USP46: variants seen among roughly 807,000 people sequenced by gnomAD.
The protein encoded by USP46 is ubiquitin carboxyl-terminal hydrolase 46.
USP46 carries 12 observed loss-of-function variants against 44.4 expected under a neutral mutation model. The ratio of observed to expected loss-of-function variants is 0.27; its 90% confidence interval spans 0.17 to 0.44. The LOEUF (loss-of-function observed/expected upper bound fraction) is 0.44, where lower values mean the gene tolerates loss of function less well. USP46 is among the 20% of genes least tolerant of loss of function. USP46 has a pLI of 1.00. For synonymous variants in USP46, 155 were observed against 161.5 expected, an observed-to-expected ratio of 0.96 and a Z score of 0.31; for missense variants, 248 against 444.8, an observed-to-expected ratio of 0.56 and a Z score of 3.98.
Position 52,597,714 on chromosome 4 carries a change from A to C in USP46, c.1027T>G (p.Phe343Val). 6.2e-7 allele frequency: 1 copy of C among 1,602,844 alleles called. No homozygotes were observed. Among genetic ancestry groups the C allele is most frequent in the Non-Finnish European group, 8.5e-7 (1 of 1,174,594 alleles). Residue 343 changes from phenylalanine to valine, a missense_variant, in exon 9 of 9, where the codon TTC (phenylalanine) becomes GTC (valine). Physicochemically the swap from Phe to Val is conservative, Grantham distance 50 (BLOSUM62 -1). Coordinates refer to ENST00000441222, the MANE Select transcript of USP46 (RefSeq NM_022832.4). ...GATATATCTGACGTCAGGCCATAGAATTCTTCAATAGCTTGAGCATCTATT... is the reference window on the plus strand; with the variant it reads ...GATATATCTGACGTCAGGCCATAGACTTCTTCAATAGCTTGAGCATCTATT... ...EKIDAQAIEE[F>V]YGLTSDISKN...
chr4:52,632,990 A>AAAGGAAAAGAAAG, intron 1 of USP46, among the ~76,000 whole-genome samples: 2 of 66,294 alleles, frequency 3.0e-5, no homozygotes, highest in African/African-American at 1.2e-4. Flanking sequence ...GAAAGAAAAG[A>AAAGGAAAAGAAAG]AAAGAAAGAA....
At chr4:52,657,732 C>T (rs1719008091) in intron 1 of USP46, among the ~76,000 whole-genome samples, 1 of 152,174 alleles carries the variant, frequency 6.6e-6, no homozygotes, top group Admixed American at 6.5e-5. Flanking sequence ...GGATCCACTC[C>T]CCGTATGGAA....
At position 52,592,920 on chromosome 4, in the gene USP46, T is replaced by C. The variant is rs534753941; in HGVS notation, c.*4720A>G. Reference sequence around the variant, plus strand: ...CTCCTGCCATGTAAGATGGGCTTGCTTTCCCTTTGCCTTCTGCTGATTGTA... The same window carrying C: ...CTCCTGCCATGTAAGATGGGCTTGCCTTCCCTTTGCCTTCTGCTGATTGTA... On this transcript the variant is annotated 3_prime_UTR_variant, in exon 9 of 9. Coordinates refer to ENST00000441222, the MANE Select transcript of USP46 (RefSeq NM_022832.4). 1.1e-4 allele frequency: 43 copies of C among 398,562 alleles called. No homozygotes were observed. The South Asian group carries it at 3.4e-3, about 32-fold the overall frequency. 24.7% of individuals were successfully genotyped at this position (398,562 alleles called of 1,614,324 possible).
intron 7 of USP46, among the ~76,000 whole-genome samples, chr4:52,601,151 A>T (rs1392827179): frequency 2.0e-5 from 3 of 152,172 alleles, no homozygotes; most frequent in Admixed American, 2.0e-4. Context: ...TCTAAAACCT[A>T]TGAGGGCAGG....
chr4:52,600,047 T>G (rs1274868255), intron 7 of USP46, among the ~76,000 whole-genome samples: 1 of 152,244 alleles, frequency 6.6e-6, no homozygotes, highest in Non-Finnish European at 1.5e-5. Context: ...ATCTCCCTGC[T>G]TATTCCTGAT....
chr4:52,603,289 A>G (rs1463799135), intron 6 of USP46, among the ~76,000 whole-genome samples: 2 of 152,202 alleles, frequency 1.3e-5, no homozygotes, highest in African/African-American at 4.8e-5. Flanking sequence ...GACATGAGTG[A>G]CCTTCTTTAC....
At position 52,592,711 on chromosome 4, in the gene USP46, T is replaced by A. The variant is rs1716068636; in HGVS notation, c.*4929A>T. The stretch of plus-strand genomic sequence containing the variant: ...AAAATTACCCGGGTATAGTGGCACA[T>A]GCCTGTAGTCCCAGCTACTTGGGAG... On this transcript the variant is annotated 3_prime_UTR_variant, in exon 9 of 9. Coordinates refer to ENST00000441222, the MANE Select transcript of USP46 (RefSeq NM_022832.4). 2.5e-6 allele frequency: 1 copy of A among 393,718 alleles called. No individual in the cohort carries two copies. 24.4% of individuals were successfully genotyped at this position (393,718 alleles called of 1,614,324 possible).
At chr4:52,617,789 T>G (rs1717218468) in intron 4 of USP46, among the ~76,000 whole-genome samples, 1 of 152,138 alleles carries the variant, frequency 6.6e-6, no homozygotes, top group South Asian at 2.1e-4. Context: ...GAAAACCATT[T>G]TCTTCCCACA....
At chr4:52,632,047 A>G (rs1324496976) in intron 1 of USP46, among the ~76,000 whole-genome samples, 2 of 149,450 alleles carry the variant, frequency 1.3e-5, no homozygotes, top group South Asian at 2.2e-4. Context: ...GGAAGGGGAA[A>G]GGGAAGGGGA....
At chr4:52,656,831 G>A (rs1718969380) in intron 1 of USP46, among the ~76,000 whole-genome samples, 1 of 151,866 alleles carries the variant, frequency 6.6e-6, no homozygotes, top group Admixed American at 6.6e-5. Flanking sequence ...CTTGAGCCCA[G>A]GTATTAGGGA....
intron 1 of USP46, among the ~76,000 whole-genome samples, chr4:52,639,458 A>G (rs1718245744): frequency 6.6e-6 from 1 of 152,126 alleles, no homozygotes; most frequent in South Asian, 2.1e-4. Context: ...TTTGGAACCA[A>G]TATGGCTACT....
At chr4:52,606,890 C>T (rs1157864407) in intron 5 of USP46, among the ~76,000 whole-genome samples, 1 of 152,174 alleles carries the variant, frequency 6.6e-6, no homozygotes, top group Non-Finnish European at 1.5e-5. Context: ...ATAAAACAAA[C>T]TCATACTTAG....
At position 52,595,506 on chromosome 4, in the gene USP46, T is replaced by C. The variant is rs1489684333; in HGVS notation, c.*2134A>G. ...TACCCTTTTTCGTTCCAAAAATCTATCCATGAATGCTGAATTTTAACTGAC... is the reference window on the plus strand; with the variant it reads ...TACCCTTTTTCGTTCCAAAAATCTACCCATGAATGCTGAATTTTAACTGAC... On this transcript the variant is annotated 3_prime_UTR_variant, in exon 9 of 9. Transcript: ENST00000441222. 1 of 152,342 alleles carries C rather than the reference T, an allele frequency of 6.6e-6. No homozygotes were observed. Among genetic ancestry groups the C allele is most frequent in the East Asian group, 1.9e-4 (1 of 5,198 alleles). The allele number at this position is 152,342 out of a possible 1,614,324, so 9.4% of individuals were successfully genotyped here.
At position 52,596,577 on chromosome 4, in the gene USP46, A is replaced by G. The variant is rs1361661419; in HGVS notation, c.*1063T>C. The G allele has an allele frequency of 6.6e-6, 1 of 152,206 alleles. No individual in the cohort carries two copies. Among genetic ancestry groups the G allele is most frequent in the Non-Finnish European group, 1.5e-5 (1 of 68,048 alleles). 9.4% of individuals were successfully genotyped at this position (152,206 alleles called of 1,614,324 possible). A position where few individuals can be genotyped will look rare whatever the true frequency, so the allele number is the denominator to read the frequency against. ...ACCTCTATACCCAGCTAACTCTGGT[A>G]TTCCCTCTAGGGAAGGTTCTGTATC... is the stretch of plus-strand genomic sequence containing the variant. On this transcript the variant is annotated 3_prime_UTR_variant, in exon 9 of 9. Coordinates refer to ENST00000441222, the MANE Select transcript of USP46 (RefSeq NM_022832.4).
At position 52,632,984 on chromosome 4, in the gene USP46, GAAA is replaced by G. The variant is rs368999019; in HGVS notation, c.37-1843_37-1841del. ...AGAAAGAAAGAAAGAAAGAAAGAAAGAAAAGAAAAGAAAGAAAGAAAGAAAGAA... is the reference window on the plus strand; with the variant it reads ...AGAAAGAAAGAAAGAAAGAAAGAAAGAGAAAAGAAAGAAAGAAAGAAAGAA... On this transcript the variant is annotated intron_variant, in intron 1 of 8. Transcript: ENST00000441222. Among the ~76,000 whole-genome samples the G allele has an allele frequency of 8.3e-3, 439 of 52,586 alleles. 27 individuals are homozygous for G. The highest frequency in any genetic ancestry group is 0.024 in the African/African-American group (405 of 16,540). The allele number at this position is 52,586 out of a possible 152,430, so 34.5% of individuals were successfully genotyped here. A position where few individuals can be genotyped will look rare whatever the true frequency, so the allele number is the denominator to read the frequency against.
In USP46 at chr4:52,594,249, A is replaced by G. The variant is rs1577650581; in HGVS notation, c.*3391T>C. ...GTGTTAAACTGATTAAAATTTCACA[A>G]GATTGACATTATTGCTTAAAGTGCT... On this transcript the variant is annotated 3_prime_UTR_variant, in exon 9 of 9. Transcript: ENST00000441222. The G allele has an allele frequency of 6.6e-6, 1 of 152,224 alleles. No homozygotes were observed. The highest frequency in any genetic ancestry group is 2.4e-5 in the African/African-American group (1 of 41,466). The allele number at this position is 152,224 out of a possible 1,614,324, so 9.4% of individuals were successfully genotyped here.
At chr4:52,620,309 CT>C (rs1469322974) in intron 4 of USP46, among the ~76,000 whole-genome samples, 1 of 152,200 alleles carries the variant, frequency 6.6e-6, no homozygotes, top group Non-Finnish European at 1.5e-5. Context: ...AACAGTGTTA[CT>C]GTAGAGTCTG....
chr4:52,603,596 G>T (rs1488559024), intron 6 of USP46, among the ~76,000 whole-genome samples: 1 of 152,160 alleles, frequency 6.6e-6, no homozygotes, highest in Non-Finnish European at 1.5e-5. Context: ...GATTAATGGG[G>T]GTTATTCCAG....
rs764627346 is a variant in USP46 at position 52,628,020 on chromosome 4, A to G, written c.261T>C (p.Ile87=). 1 of 1,613,918 alleles carries G rather than the reference A, an allele frequency of 6.2e-7. No homozygotes were observed. Among genetic ancestry groups the G allele is most frequent in the Non-Finnish European group, 8.5e-7 (1 of 1,179,856 alleles). The change falls in exon 3 of 9, where the codon ATT becomes ATC. Residue 87 remains isoleucine (I), a synonymous_variant. Transcript: ENST00000441222. ...LTCLADLFHS[I]ATQKKKVGVI... ...CGCCAACCTTCTTCTTCTGTGTGGC[A>G]ATGCTGTGGAAAAGGTCCGCCAGGC...
Sources: allele counts gnomAD v4.1 joint callset (sites outside exome capture counted in the v4.1 genomes callset), GRCh38; gene constraint gnomAD v4.1.1; transcripts MANE v1.5; gene names NCBI Gene and HGNC (gene_info 2026-07-23, HGNC 2026-07-21).